Variants in PIK3CB observed in about 807,000 individuals in gnomAD.
PIK3CB encodes phosphatidylinositol-4,5-bisphosphate 3-kinase catalytic subunit beta, also known as phosphatidylinositol 4,5-bisphosphate 3-kinase catalytic subunit beta isoform.
Under a neutral mutation model 136.8 loss-of-function variants are expected in PIK3CB, and 39 were observed. The ratio of observed to expected loss-of-function variants is 0.29; its 90% CI spans 0.22 to 0.37. PIK3CB has a LOEUF of 0.37. Ranked by LOEUF, PIK3CB falls within the 10% of genes least tolerant of loss-of-function variation. The probability of loss-of-function intolerance (pLI) is 1.00; values close to 1 mark genes in which losing one functional copy is unlikely to be tolerated. For synonymous variants in PIK3CB, 428 were observed against 436.6 expected (o/e 0.98, Z 0.25); for missense variants, 868 against 1,275.4 (o/e 0.68, Z 4.87).
At chr3:138,679,584 CT>C (rs950103094) in intron 19 of PIK3CB, among the ~76,000 whole-genome samples, 3 of 150,388 alleles carry the variant, frequency 2.0e-5, no homozygotes, top group African/African-American at 7.3e-5. Flanking sequence ...GTTAAGAGTT[CT>C]TTTTTTTTCT....
chr3:138,696,960 T>C (rs1396918656), intron 13 of PIK3CB, among the ~76,000 whole-genome samples: 2 of 152,210 alleles, frequency 1.3e-5, no homozygotes, highest in Non-Finnish European at 2.9e-5. Flanking sequence ...TTCAACAATG[T>C]TGTGGTTAAA....
intron 21 of PIK3CB, among the ~76,000 whole-genome samples, chr3:138,658,274 C>A (rs1202612701): frequency 6.6e-6 from 1 of 151,928 alleles, no homozygotes; most frequent in African/African-American, 2.4e-5. Flanking sequence ...CATAGCGAGA[C>A]CCCATCTCTA....
chr3:138,779,387 TC>T (rs903514496), intron 2 of PIK3CB, among the ~76,000 whole-genome samples: 3 of 119,348 alleles, frequency 2.5e-5, no homozygotes, highest in African/African-American at 6.1e-5. Flanking sequence ...CGCCCGGCCT[TC>T]TTTTTTTTTT....
intron 12 of PIK3CB, 37 bp from the exon 13 acceptor site, chr3:138,699,132 T>C (rs1337649278): frequency 1.8e-6 from 2 of 1,081,868 alleles, no homozygotes; most frequent in Non-Finnish European, 2.6e-6. Context: ...AATTTAATTG[T>C]GCAAACACCA....
At chr3:138,787,390 T>C (rs2045993765) in intron 2 of PIK3CB, among the ~76,000 whole-genome samples, 1 of 149,698 alleles carries the variant, frequency 6.7e-6, no homozygotes, top group African/African-American at 2.4e-5. Context: ...AAGAAGCTCC[T>C]AAAGGAAAAC....
At chr3:138,762,348 T>C (rs528482460) in intron 2 of PIK3CB, among the ~76,000 whole-genome samples, 1 of 152,248 alleles carries the variant, frequency 6.6e-6, no homozygotes, top group African/African-American at 2.4e-5. Flanking sequence ...ATATAATGTC[T>C]AGTGGTCTTA....
At chr3:138,737,646 T>C (rs547760940) in intron 6 of PIK3CB, 61 bp downstream of exon 6, 19 of 210,688 alleles carry the variant, frequency 9.0e-5, no homozygotes, top group African/African-American at 5.7e-4. Context: ...AGAAATAAAA[T>C]ATATATATAT....
intron 11 of PIK3CB, among the ~76,000 whole-genome samples, chr3:138,705,164 A>AAAAAAAC: frequency 1.0e-5 from 1 of 97,344 alleles, no homozygotes; most frequent in East Asian, 7.1e-4. Flanking sequence ...GCAAAAAAAA[A>AAAAAAAC]AAAAAAAAAC....
At chr3:138,804,283 G>C (rs2046206975) in intron 1 of PIK3CB, among the ~76,000 whole-genome samples, 1 of 152,178 alleles carries the variant, frequency 6.6e-6, no homozygotes, top group Non-Finnish European at 1.5e-5. Context: ...GGAGGCCAAG[G>C]CAAGAGGATG....
chr3:138,678,801 TAAAAGAAA>T (rs2043701677), intron 19 of PIK3CB, among the ~76,000 whole-genome samples: 1 of 152,094 alleles, frequency 6.6e-6, no homozygotes, highest in African/African-American at 2.4e-5. Flanking sequence ...GCACAGAAGC[TAAAAGAAA>T]TCAAACCTTG....
At chr3:138,802,497 G>A (rs1409782493) in intron 1 of PIK3CB, among the ~76,000 whole-genome samples, 1 of 151,566 alleles carries the variant, frequency 6.6e-6, no homozygotes, top group East Asian at 1.9e-4. Context: ...TCTCTATTGA[G>A]ATATTACAAG....
intron 14 of PIK3CB, among the ~76,000 whole-genome samples, chr3:138,694,238 CTG>C (rs2044087322): frequency 2.6e-5 from 4 of 151,820 alleles, no homozygotes; most frequent in Non-Finnish European, 5.9e-5. Context: ...ATCCACTTTA[CTG>C]CTGGGAGTAT....
At chr3:138,815,508 AAT>A (rs1388653297) in intron 1 of PIK3CB, among the ~76,000 whole-genome samples, 5 of 151,992 alleles carry the variant, frequency 3.3e-5, no homozygotes, top group Non-Finnish European at 7.4e-5. Context: ...ATACAGAAAA[AAT>A]ATGTTACATT....
chr3:138,770,734 C>T (rs988110833), intron 2 of PIK3CB, among the ~76,000 whole-genome samples: 1 of 151,962 alleles, frequency 6.6e-6, no homozygotes, highest in East Asian at 1.9e-4. Flanking sequence ...TGTTTTGAGA[C>T]TAAGTCTTGC....
chr3:138,676,474 CA>C (rs1443051912), intron 19 of PIK3CB, among the ~76,000 whole-genome samples: 2 of 151,992 alleles, frequency 1.3e-5, no homozygotes, highest in Admixed American at 6.6e-5. Context: ...AGGTATTTAC[CA>C]AAAGAATTTA....
chr3:138,791,685 T>C (rs2046049344), intron 2 of PIK3CB, among the ~76,000 whole-genome samples: 2 of 152,140 alleles, frequency 1.3e-5, no homozygotes, highest in Non-Finnish European at 2.9e-5. Flanking sequence ...ATCAAGCACA[T>C]CCAGCTTCAA....
intron 19 of PIK3CB, among the ~76,000 whole-genome samples, chr3:138,670,109 A>G (rs1220609885): frequency 6.6e-6 from 1 of 152,140 alleles, no homozygotes; most frequent in African/African-American, 2.4e-5. Flanking sequence ...TATTTCCAGC[A>G]CTCCCACATG....
chr3:138,700,242 A>G (rs2044222181), intron 12 of PIK3CB, among the ~76,000 whole-genome samples: 1 of 151,952 alleles, frequency 6.6e-6, no homozygotes, highest in Admixed American at 6.5e-5. Flanking sequence ...CCGTTTGTTT[A>G]TCCGTCCGTC....
intron 8 of PIK3CB, among the ~76,000 whole-genome samples, chr3:138,718,041 G>T (rs1417688779): frequency 1.3e-5 from 2 of 152,112 alleles, no homozygotes; most frequent in Non-Finnish European, 2.9e-5. Context: ...ATTCCTCTGG[G>T]TATATACCCA....
Sources: allele counts gnomAD v4.1 joint callset (sites outside exome capture counted in the v4.1 genomes callset), GRCh38; gene constraint gnomAD v4.1.1; transcripts MANE v1.5; gene names NCBI Gene and HGNC (gene_info 2026-07-23, HGNC 2026-07-21).